GET1: variants seen among roughly 807,000 people sequenced by gnomAD.
The protein encoded by GET1 is congenital heart disease 5 protein.
GET1 carries 20 observed loss-of-function variants against 22.6 expected under a neutral mutation model. The observed-to-expected ratio is 0.89, with a 90% CI of 0.62 to 1.29. The LOEUF (loss-of-function observed/expected upper bound fraction) is 1.29. Ranked by LOEUF, GET1 falls within the 50% of genes most tolerant of loss-of-function variation. The probability of loss-of-function intolerance (pLI) is 0.00; values close to 1 mark genes in which losing one functional copy is unlikely to be tolerated. For missense variants in GET1, 209 were observed against 219.9 expected (o/e 0.95, Z 0.31); for synonymous variants, 92 against 83.8 (o/e 1.10, Z -0.53).
At chr21:39,403,408 G>A (rs1355527669) in intron 4 of GET1, among the ~76,000 whole-genome samples, 1 of 149,506 alleles carries the variant, frequency 6.7e-6, no homozygotes, top group African/African-American at 2.5e-5. Context: ...CTCACTGCAA[G>A]CTCCGCCTCC....
intron 1 of GET1, among the ~76,000 whole-genome samples, chr21:39,417,292 G>T (rs953393929): frequency 4.6e-5 from 7 of 152,094 alleles, no homozygotes; most frequent in Non-Finnish European, 8.8e-5. Context: ...CGCCCACCTT[G>T]GCCTCCCAAA....
chr21:39,423,333 A>G, intron 1 of GET1: 1 of 1,613,184 alleles, frequency 6.2e-7, no homozygotes, highest in South Asian at 1.1e-5. Flanking sequence ...TATGATGCAT[A>G]TCAGCTAATT....
At chr21:39,381,741 A>C (rs2037566816) in intron 1 of GET1, among the ~76,000 whole-genome samples, 1 of 152,132 alleles carries the variant, frequency 6.6e-6, no homozygotes, top group Non-Finnish European at 1.5e-5. Flanking sequence ...TTGTGCAACC[A>C]TTATCCCAGA....
intron 1 of GET1, chr21:39,422,161 G>A (rs1033618041): frequency 3.3e-5 from 5 of 152,180 alleles, no homozygotes; most frequent in African/African-American, 1.2e-4. Flanking sequence ...TTAAAACGTG[G>A]AGGAAACGAA....
intron 1 of GET1, among the ~76,000 whole-genome samples, chr21:39,427,393 T>C (rs2074913290): frequency 1.3e-5 from 2 of 152,160 alleles, no homozygotes; most frequent in African/African-American, 4.8e-5. Context: ...CCGGGCGCGG[T>C]GGCTCACGCC....
chr21:39,400,982 C>G (rs889556389), downstream of GET1, among the ~76,000 whole-genome samples: 3 of 151,622 alleles, frequency 2.0e-5, no homozygotes, highest in African/African-American at 7.3e-5. Context: ...ATGATCATAG[C>G]TCACTACAAC....
At chr21:39,418,211 C>T (rs1421632138) in intron 1 of GET1, among the ~76,000 whole-genome samples, 1 of 152,150 alleles carries the variant, frequency 6.6e-6, no homozygotes, top group Admixed American at 6.5e-5. Flanking sequence ...AGCTACAATT[C>T]AAGATGAGAT....
At chr21:39,380,953 A>G (rs944593797) in intron 1 of GET1, 11 of 993,846 alleles carry the variant, frequency 1.1e-5, no homozygotes, top group Non-Finnish European at 1.3e-5. Context: ...TGTAGAGAGA[A>G]TCTCAGTACA....
At chr21:39,414,738 C>CTGTG (rs763309098) in intron 1 of GET1, among the ~76,000 whole-genome samples, 8,570 of 106,636 alleles carry the variant, frequency 0.08, 422 homozygotes, top group East Asian at 0.2. Flanking sequence ...CTCTCTCTCT[C>CTGTG]TCTCTGTGTG....
At position 39,406,407 on chromosome 21, in the gene GET1, G is replaced by A. The variant is rs754990383; in HGVS notation, c.*423G>A. ...TGTCATCCACACCATTTCTCTGCAT[G>A]CTTCTTTTAAACTTTTCTCTTACTA... On this transcript the variant is annotated 3_prime_UTR_variant, in exon 5 of 5. Coordinates refer to the GET1 transcript ENST00000415847. 3.3e-5 allele frequency: 54 copies of A among 1,613,852 alleles called. No homozygotes were observed. The Middle Eastern group carries it at 9.9e-4, about 30-fold the overall frequency.
At position 39,417,653 on chromosome 21, in the gene GET1, G is replaced by A. The variant is rs530288880; in HGVS notation, c.*23+6716G>A. Among the ~76,000 whole-genome samples, 26 of 152,308 alleles carry A rather than the reference G, an allele frequency of 1.7e-4. No individual in the cohort carries two copies. In the East Asian group the frequency reaches 4.0e-3, roughly 24 times the overall value. Reference sequence around the variant, plus strand: ...CTCACAGTTCCACATGGCTGGGGAGGCCTCACAATCATGGTTGAAGACAAA... The same window carrying A: ...CTCACAGTTCCACATGGCTGGGGAGACCTCACAATCATGGTTGAAGACAAA... On this transcript the variant is annotated intron_variant, in intron 1 of 1. Transcript: ENST00000478273.
At chr21:39,386,855 T>G (rs1569032908) in intron 1 of GET1, among the ~76,000 whole-genome samples, 1 of 151,778 alleles carries the variant, frequency 6.6e-6, no homozygotes, top group African/African-American at 2.4e-5. Context: ...AAAACTTTTT[T>G]TTTTTTAGAG....
chr21:39,415,764 C>T (rs2041028750), intron 1 of GET1, among the ~76,000 whole-genome samples: 1 of 152,132 alleles, frequency 6.6e-6, no homozygotes, highest in Admixed American at 6.6e-5. Context: ...TCACTCTCAC[C>T]TCTTATTTTT....
chr21:39,421,810 C>T (rs539952957), intron 1 of GET1: 12 of 151,596 alleles, frequency 7.9e-5, no homozygotes, highest in Non-Finnish European at 1.2e-4. Flanking sequence ...GTCCACAAAA[C>T]AGTTTTCCTC....
chr21:39,403,275 C>T (rs996779791), intron 4 of GET1, among the ~76,000 whole-genome samples: 21 of 152,196 alleles, frequency 1.4e-4, no homozygotes, highest in Non-Finnish European at 2.8e-4. Context: ...TTTTCATAAA[C>T]GATCAAAGCA....
At chr21:39,418,179 C>T (rs1601789395) in intron 1 of GET1, among the ~76,000 whole-genome samples, 1 of 152,162 alleles carries the variant, frequency 6.6e-6, no homozygotes, top group Non-Finnish European at 1.5e-5. Context: ...GGGTCCCTCC[C>T]CTGACATGTG....
intron 4 of GET1, among the ~76,000 whole-genome samples, chr21:39,403,492 A>AT (rs2038893892): frequency 6.6e-6 from 1 of 150,796 alleles, no homozygotes; most frequent in East Asian, 1.9e-4. Context: ...CGCCCGGCTA[A>AT]TTTTTTGTTA....
downstream of GET1, among the ~76,000 whole-genome samples, chr21:39,407,220 G>A (rs1043558349): frequency 2.0e-5 from 3 of 152,114 alleles, no homozygotes; most frequent in African/African-American, 7.2e-5. Context: ...GAGCAGAGCT[G>A]TTTCAAAACA....
chr21:39,410,026 C>A, downstream of GET1: 5 of 1,608,020 alleles, frequency 3.1e-6, no homozygotes, highest in Non-Finnish European at 4.3e-6. Flanking sequence ...TTTATTCACA[C>A]AGTGAGGAAT....
Sources: allele counts gnomAD v4.1 joint callset (sites outside exome capture counted in the v4.1 genomes callset), GRCh38; gene constraint gnomAD v4.1.1; transcripts MANE v1.5; gene names NCBI Gene and HGNC (gene_info 2026-07-23, HGNC 2026-07-21).